Variants in IL1RAP observed in about 807,000 individuals in gnomAD.
IL1RAP encodes interleukin 1 receptor accessory protein.
A neutral mutation model predicts 60.7 loss-of-function variants in IL1RAP; 35 were observed. The observed-to-expected ratio is 0.58, with a 90% CI of 0.44 to 0.76. The LOEUF is 0.76. IL1RAP is among the 30% of genes least tolerant of loss of function. The probability of loss-of-function intolerance (pLI) is 0.00; values close to 1 mark genes in which losing one functional copy is unlikely to be tolerated. For missense variants in IL1RAP, 572 were observed against 693.9 expected, an observed-to-expected ratio of 0.82 and a Z score of 1.97; for synonymous variants, 268 against 250.9, an observed-to-expected ratio of 1.07 and a Z score of -0.64.
chr3:190,614,069 A>G (rs1208515393), intron 5 of IL1RAP, among the ~76,000 whole-genome samples: 4 of 151,282 alleles, frequency 2.6e-5, no homozygotes, highest in Non-Finnish European at 5.9e-5. Flanking sequence ...AATCATCCCC[A>G]AGCATCTACC....
At chr3:190,588,847 C>T (rs560725038) in intron 3 of IL1RAP, among the ~76,000 whole-genome samples, 36 of 152,144 alleles carry the variant, frequency 2.4e-4, no homozygotes, top group South Asian at 1.7e-3. Flanking sequence ...CATAAAAGTA[C>T]GTATAAAAAT....
At chr3:190,548,823 T>C (rs937146035) in intron 1 of IL1RAP, among the ~76,000 whole-genome samples, 4 of 152,226 alleles carry the variant, frequency 2.6e-5, no homozygotes, top group Non-Finnish European at 4.4e-5. Flanking sequence ...CTTTCAGTGA[T>C]AGACAATTTG....
chr3:190,631,418 G>T (rs111833084), intron 9 of IL1RAP, among the ~76,000 whole-genome samples: 14 of 152,294 alleles, frequency 9.2e-5, no homozygotes, highest in African/African-American at 2.9e-4. Flanking sequence ...GGAATGTGAA[G>T]TGACAGGTGG....
chr3:190,574,172 A>C (rs1727244026), intron 3 of IL1RAP, among the ~76,000 whole-genome samples: 1 of 152,090 alleles, frequency 6.6e-6, no homozygotes, highest in Non-Finnish European at 1.5e-5. Context: ...TTTGAAAAGA[A>C]ACGTTTAACC....
chr3:190,605,812 G>C (rs1412948583), intron 4 of IL1RAP, among the ~76,000 whole-genome samples: 2 of 152,048 alleles, frequency 1.3e-5, no homozygotes, highest in Admixed American at 1.3e-4. Flanking sequence ...CCTCATTTGA[G>C]CTCAGTTATG....
chr3:190,641,118 A>AC (rs1485632426), intron 9 of IL1RAP, among the ~76,000 whole-genome samples: 1 of 152,124 alleles, frequency 6.6e-6, no homozygotes, highest in Non-Finnish European at 1.5e-5. Flanking sequence ...GGCATGCGCC[A>AC]CCACACCCGG....
chr3:190,526,447 G>C (rs1054678856), intron 1 of IL1RAP, among the ~76,000 whole-genome samples: 3 of 152,150 alleles, frequency 2.0e-5, no homozygotes, highest in Admixed American at 2.0e-4. Flanking sequence ...TTCAATAAGC[G>C]TATTGAATCA....
rs1302848886 is a variant in IL1RAP, at chr3:190,649,065, T to C, written c.*360T>C. The C allele has an allele frequency of 2.0e-6, 2 of 997,798 alleles. No individual in the cohort carries two copies. Among genetic ancestry groups the C allele is most frequent in the African/African-American group, 1.7e-5 (1 of 57,616 alleles). The allele number at this position is 997,798 out of a possible 1,614,324, so 61.8% of individuals were successfully genotyped here. A position where few individuals can be genotyped will look rare whatever the true frequency, so the allele number is the denominator to read the frequency against. On this transcript the variant is annotated 3_prime_UTR_variant, in exon 12 of 12. Coordinates refer to ENST00000447382, the MANE Select transcript of IL1RAP (RefSeq NM_002182.4). ...TTTCCTATGAATTTAAATATGCCTT[T>C]AAAATAAGTCACTGTTGACAGGGTC...
At chr3:190,529,857 C>CGA (rs1722842853) in intron 1 of IL1RAP, among the ~76,000 whole-genome samples, 1 of 75,966 alleles carries the variant, frequency 1.3e-5, no homozygotes, top group African/African-American at 4.3e-5. Flanking sequence ...GACTCTGACT[C>CGA]AAAAAAAAAA....
intron 1 of IL1RAP, among the ~76,000 whole-genome samples, chr3:190,515,324 T>C (rs900420831): frequency 6.6e-6 from 1 of 151,916 alleles, no homozygotes; most frequent in African/African-American, 2.4e-5. Context: ...ATCATTCAAG[T>C]AGCATGTTTA....
At chr3:190,530,562 C>T (rs1460669007) in intron 1 of IL1RAP, among the ~76,000 whole-genome samples, 4 of 152,138 alleles carry the variant, frequency 2.6e-5, no homozygotes, top group African/African-American at 4.8e-5. Flanking sequence ...TTGTCAACTC[C>T]GATGCCCTTA....
At chr3:190,610,502 G>GA (rs1196405839) in intron 5 of IL1RAP, among the ~76,000 whole-genome samples, 6 of 151,732 alleles carry the variant, frequency 4.0e-5, no homozygotes, top group African/African-American at 9.7e-5. Flanking sequence ...GTGAAAGGGA[G>GA]AAAAAATTAA....
chr3:190,652,283 G>A (rs1283361859), downstream of IL1RAP, among the ~76,000 whole-genome samples: 1 of 151,972 alleles, frequency 6.6e-6, no homozygotes, highest in Non-Finnish European at 1.5e-5. Context: ...CCAACATGGT[G>A]AAACCCTGTC....
At chr3:190,634,937 G>C (rs570956182) in intron 9 of IL1RAP, among the ~76,000 whole-genome samples, 2 of 152,032 alleles carry the variant, frequency 1.3e-5, no homozygotes, top group Admixed American at 6.5e-5. Context: ...GGATGGTCTC[G>C]ATCTCCTGAC....
intron 3 of IL1RAP, among the ~76,000 whole-genome samples, chr3:190,589,470 G>A (rs1394627666): frequency 6.6e-6 from 1 of 152,130 alleles, no homozygotes; most frequent in Non-Finnish European, 1.5e-5. Flanking sequence ...AAGATAGAAT[G>A]AGACTGCACC....
chr3:190,628,912 C>T (rs979963702), intron 8 of IL1RAP, among the ~76,000 whole-genome samples: 1 of 152,078 alleles, frequency 6.6e-6, no homozygotes, highest in African/African-American at 2.4e-5. Flanking sequence ...TATGACTTCC[C>T]TCTTTTCCAA....
At chr3:190,522,330 C>G (rs1401936803) in intron 1 of IL1RAP, among the ~76,000 whole-genome samples, 1 of 138,286 alleles carries the variant, frequency 7.2e-6, no homozygotes, top group African/African-American at 3.1e-5. Context: ...TCCTTCCTTC[C>G]TTCCTTCCTT....
intron 9 of IL1RAP, among the ~76,000 whole-genome samples, chr3:190,634,707 G>GTTT (rs1167445179): frequency 0.042 from 5,551 of 133,058 alleles, 411 homozygotes; most frequent in South Asian, 0.072. Context: ...GGCCTGTTGT[G>GTTT]TTTTTTTTTT....
At chr3:190,528,614 A>T (rs1372343221) in intron 1 of IL1RAP, among the ~76,000 whole-genome samples, 1 of 152,234 alleles carries the variant, frequency 6.6e-6, no homozygotes, top group Non-Finnish European at 1.5e-5. Context: ...ATAGAGAATT[A>T]AAAAAGCAAA....
Sources: gnomAD v4.1 joint callset for allele counts (sites outside exome capture counted in the v4.1 genomes callset) on GRCh38, gnomAD v4.1.1 for gene constraint, MANE v1.5 for transcripts, NCBI Gene and HGNC (gene_info 2026-07-23, HGNC 2026-07-21) for gene names.